The following TTLL5 variants were observed in gnomAD, a reference collection of about 807,000 sequenced individuals.
The protein encoded by TTLL5 is tubulin tyrosine ligase like 5, also known as tubulin polyglutamylase TTLL5.
A neutral mutation model predicts 168.4 loss-of-function variants in TTLL5; 132 were observed. The ratio of observed to expected loss-of-function variants is 0.78; its 90% confidence interval spans 0.68 to 0.91. The LOEUF is 0.91. Among genes scored for constraint, TTLL5 ranks in the 40% least tolerant of loss-of-function variants. The pLI, the probability that TTLL5 is intolerant of heterozygous loss-of-function variation, is 0.00. For synonymous variants in TTLL5, 546 were observed against 558.6 expected (o/e 0.98, Z 0.32); for missense variants, 1,545 against 1,581.5 (o/e 0.98, Z 0.39).
chr14:75,836,949 A>G (rs535858780), intron 28 of TTLL5, among the ~76,000 whole-genome samples: 1 of 152,336 alleles, frequency 6.6e-6, no homozygotes, highest in African/African-American at 2.4e-5. Context: ...AAATTTATCA[A>G]TGTGATTGCA....
At chr14:75,930,225 A>G (rs529521377) in intron 31 of TTLL5, among the ~76,000 whole-genome samples, 9 of 152,252 alleles carry the variant, frequency 5.9e-5, no homozygotes, top group Non-Finnish European at 1.2e-4. Context: ...ATCCTAACCT[A>G]TAATGTAGAG....
At chr14:75,786,684 A>T (rs1892382202) in intron 26 of TTLL5, among the ~76,000 whole-genome samples, 5 of 152,220 alleles carry the variant, frequency 3.3e-5, no homozygotes, top group Admixed American at 6.5e-5. Context: ...TTAAAGTTAA[A>T]TATACAGCAT....
rs373064606 is a variant in TTLL5 at position 75,912,517 on chromosome 14, A to G, written c.3823+10293A>G. On this transcript the variant is annotated intron_variant, in intron 31 of 31. Transcript: ENST00000298832. ...GGTATAAAGGGAAAGTCAGGGCCAA[A>G]AAACAAGATAATTCCAAGTTTTCAA... Among the ~76,000 whole-genome samples, 41 of 152,332 alleles carry G rather than the reference A, an allele frequency of 2.7e-4. No homozygotes were observed. In the East Asian group the frequency reaches 5.8e-3, roughly 22 times the overall value.
At chr14:75,811,469 A>C (rs1442748752) in intron 27 of TTLL5, among the ~76,000 whole-genome samples, 2 of 152,138 alleles carry the variant, frequency 1.3e-5, no homozygotes, top group Non-Finnish European at 2.9e-5. Context: ...GGCCCAGCCC[A>C]GATGCCATTT....
At chr14:75,882,949 GCTAA>G in intron 30 of TTLL5, 47 bp downstream of exon 30, 1 of 1,573,906 alleles carries the variant, frequency 6.4e-7, no homozygotes, top group Non-Finnish European at 8.7e-7. Context: ...TCAGTTCTAA[GCTAA>G]TAGTACTCTT....
At position 75,775,561 on chromosome 14, in the gene TTLL5, A is replaced by G. The variant is rs1303705444; in HGVS notation, c.2214A>G (p.Arg738=). 5 of 1,614,014 alleles carry G rather than the reference A, an allele frequency of 3.1e-6. No individual in the cohort carries two copies. In the Admixed American group the frequency reaches 8.3e-5, roughly 27 times the overall value. ...TGAGGATGGTATTACCCAGTCGACG[A>G]TTGGCACTTCTGGAACGCAGAAGAA... is the stretch of plus-strand genomic sequence containing the variant. ...HSLRMVLPSR[R]LALLERRRIL... is the part of the protein sequence containing the mutation. The change falls in exon 22 of 32, where the codon CGA becomes CGG. Residue 738 remains arginine, a synonymous_variant. Transcript: ENST00000298832.
At chr14:75,813,800 G>A (rs1894212064) in intron 27 of TTLL5, among the ~76,000 whole-genome samples, 1 of 149,570 alleles carries the variant, frequency 6.7e-6, no homozygotes, top group South Asian at 2.1e-4. Flanking sequence ...TACCAGTAGG[G>A]CATGTTCTTT....
At chr14:75,879,872 T>A (rs1304859700) in intron 29 of TTLL5, among the ~76,000 whole-genome samples, 1 of 152,222 alleles carries the variant, frequency 6.6e-6, no homozygotes, top group Non-Finnish European at 1.5e-5. Context: ...AAACTTGGGC[T>A]TCACTTGGGT....
In TTLL5 at chr14:75,684,473, G is replaced by C. The variant is rs1340430899; in HGVS notation, c.371+817G>C. 3 of 152,122 alleles carry C rather than the reference G, an allele frequency of 2.0e-5. No individual in the cohort carries two copies. In the East Asian group the frequency reaches 5.8e-4, roughly 29 times the overall value. 9.4% of individuals were successfully genotyped at this position (152,122 alleles called of 1,614,324 possible). On this transcript the variant is annotated intron_variant, in intron 5 of 31. Transcript: ENST00000298832. ...CTATTTCTTTGTTTTTAAAATAATTGAAGGATGATATAATCTAGCTATTAG... is the reference window on the plus strand; with the variant it reads ...CTATTTCTTTGTTTTTAAAATAATTCAAGGATGATATAATCTAGCTATTAG...
intron 31 of TTLL5, among the ~76,000 whole-genome samples, chr14:75,927,649 G>T (rs1450893939): frequency 6.6e-6 from 1 of 152,192 alleles, no homozygotes; most frequent in African/African-American, 2.4e-5. Flanking sequence ...GCAGAAAGAT[G>T]TCTGGGCTCT....
intron 30 of TTLL5, among the ~76,000 whole-genome samples, chr14:75,900,009 C>G (rs1358356034): frequency 6.6e-6 from 1 of 151,478 alleles, no homozygotes; most frequent in Non-Finnish European, 1.5e-5. Flanking sequence ...TTGCTCCACT[C>G]AGCTGCTCCT....
chr14:75,863,911 T>C, intron 29 of TTLL5, 49 bp downstream of exon 29: 1 of 98,534 alleles, frequency 1.0e-5, no homozygotes. Flanking sequence ...CTGCTGTTGG[T>C]AAAAAAAAAA....
intron 21 of TTLL5, 147 bp from the exon 22 acceptor site, chr14:75,775,336 AC>A: frequency 1.1e-6 from 1 of 878,600 alleles, no homozygotes; most frequent in Non-Finnish European, 1.7e-6. Flanking sequence ...TGCTTCTTAT[AC>A]CTAACCTTTT....
intron 18 of TTLL5, among the ~76,000 whole-genome samples, chr14:75,764,090 C>G (rs189957102): frequency 1.3e-5 from 2 of 152,314 alleles, no homozygotes; most frequent in African/African-American, 4.8e-5. Flanking sequence ...GCGTCTCAGT[C>G]AACTCGGTGC....
chr14:75,791,814 A>G (rs181271036), intron 26 of TTLL5, among the ~76,000 whole-genome samples: 31 of 152,368 alleles, frequency 2.0e-4, no homozygotes, highest in Admixed American at 1.9e-3. Flanking sequence ...AATTTTAAAA[A>G]GACAGGAAAT....
At chr14:75,950,978 AC>A (rs1209781303) in intron 31 of TTLL5, among the ~76,000 whole-genome samples, 14 of 151,736 alleles carry the variant, frequency 9.2e-5, no homozygotes, top group Non-Finnish European at 5.9e-5. Context: ...CAAAAAAAAA[AC>A]AAATGTGTTT....
intron 3 of TTLL5, among the ~76,000 whole-genome samples, chr14:75,678,295 T>G (rs1332671221): frequency 1.3e-5 from 2 of 152,216 alleles, no homozygotes; most frequent in African/African-American, 4.8e-5. Context: ...TATTTGCTTC[T>G]CTCTTTCTGA....
intron 29 of TTLL5, among the ~76,000 whole-genome samples, chr14:75,878,228 A>G (rs7156551): frequency 0.88 from 134,342 of 152,178 alleles, 59,398 homozygotes; most frequent in South Asian, 0.92. Context: ...TTGGCTGCTT[A>G]TAACAGAACC....
Position 75,858,816 on chromosome 14 carries a change from G to A in TTLL5, c.3327-4851G>A, listed in dbSNP as rs150019392. Among the ~76,000 whole-genome samples the A allele has an allele frequency of 4.0e-4, 61 of 152,304 alleles. No homozygotes were observed. The East Asian group carries it at 0.01, about 25-fold the overall frequency. ...CTTGTAAAGAAATAATTTCTCCCCA[G>A]AAAGCACCTCCTTCATGGCCTTATA... On this transcript the variant is annotated intron_variant, in intron 28 of 31. Coordinates refer to ENST00000298832, the MANE Select transcript of TTLL5 (RefSeq NM_015072.5).
Sources: allele counts gnomAD v4.1 joint callset (sites outside exome capture counted in the v4.1 genomes callset), GRCh38; gene constraint gnomAD v4.1.1; transcripts MANE v1.5; gene names NCBI Gene and HGNC (gene_info 2026-07-23, HGNC 2026-07-21).